The following LTBP1 variants were observed in gnomAD, a reference collection of about 807,000 sequenced individuals.
The protein encoded by LTBP1 is latent transforming growth factor beta binding protein 1.
A neutral mutation model predicts 207.6 loss-of-function variants in LTBP1; 129 were observed. That is an observed-to-expected ratio of 0.62 (90% CI 0.54 to 0.72). The LOEUF is 0.72. Among genes scored for constraint, LTBP1 ranks in the 30% least tolerant of loss-of-function variants. The pLI, the probability that LTBP1 is intolerant of heterozygous loss-of-function variation, is 0.00. For synonymous variants in LTBP1, 963 were observed against 833.7 expected (o/e 1.16, Z -2.67); for missense variants, 2,281 against 2,217.2 (o/e 1.03, Z -0.58).
chr2:33,307,013 G>A (rs941952626), intron 22 of LTBP1, among the ~76,000 whole-genome samples: 10 of 152,224 alleles, frequency 6.6e-5, no homozygotes, highest in East Asian at 3.9e-4. Flanking sequence ...GCTTGAACCC[G>A]GGAGGCGGAG....
At chr2:33,132,193 C>A (rs1305701903) in intron 4 of LTBP1, among the ~76,000 whole-genome samples, 1 of 152,172 alleles carries the variant, frequency 6.6e-6, no homozygotes, top group Non-Finnish European at 1.5e-5. Context: ...CTTGAACACA[C>A]AAAGTATCCT....
chr2:33,275,152 C>T, intron 17 of LTBP1, 62 bp downstream of exon 17: 1 of 1,595,084 alleles, frequency 6.3e-7, no homozygotes, highest in African/African-American at 1.3e-5. Context: ...TCCCCTAAGA[C>T]TATCATCAGT....
At chr2:33,236,284 C>A (rs1373584868) in intron 9 of LTBP1, among the ~76,000 whole-genome samples, 3 of 152,092 alleles carry the variant, frequency 2.0e-5, no homozygotes, top group Non-Finnish European at 4.4e-5. Context: ...TAGTTTGATG[C>A]CAGATCATGT....
At chr2:33,276,000 C>G (rs1558930321) in intron 18 of LTBP1, 77 bp downstream of exon 18, 1 of 1,488,974 alleles carries the variant, frequency 6.7e-7, no homozygotes, top group Non-Finnish European at 8.9e-7. Context: ...GTTCTTGTTT[C>G]CTTCCCACAC....
intron 2 of LTBP1, among the ~76,000 whole-genome samples, chr2:32,969,660 C>T (rs1680566778): frequency 6.6e-6 from 1 of 152,066 alleles, no homozygotes; most frequent in Non-Finnish European, 1.5e-5. Context: ...ACATTTTTTC[C>T]TATCTAATCT....
At chr2:33,138,848 C>CTTTTTTT (rs71409603) in intron 5 of LTBP1, among the ~76,000 whole-genome samples, 13 of 77,670 alleles carry the variant, frequency 1.7e-4, no homozygotes, top group Non-Finnish European at 2.1e-4. Flanking sequence ...AGTATGTTCT[C>CTTTTTTT]TTTTTTTTTT....
chr2:33,015,333 G>T (rs1162500901), intron 2 of LTBP1, among the ~76,000 whole-genome samples: 1 of 152,214 alleles, frequency 6.6e-6, no homozygotes, highest in East Asian at 1.9e-4. Flanking sequence ...AATCAAGTCT[G>T]CAAGTGTAGA....
At chr2:33,348,014 G>A (rs923026780) in intron 26 of LTBP1, among the ~76,000 whole-genome samples, 4 of 152,134 alleles carry the variant, frequency 2.6e-5, no homozygotes, top group African/African-American at 7.2e-5. Flanking sequence ...GTTTGCATTC[G>A]CTTAAAATTT....
At chr2:33,313,463 G>A (rs1303278572) in intron 23 of LTBP1, among the ~76,000 whole-genome samples, 4 of 152,114 alleles carry the variant, frequency 2.6e-5, no homozygotes, top group African/African-American at 9.7e-5. Context: ...TGGGTCAGTG[G>A]CTAAGCGTGT....
intron 3 of LTBP1, among the ~76,000 whole-genome samples, chr2:33,073,663 G>T (rs1034815314): frequency 2.7e-5 from 4 of 150,842 alleles, no homozygotes; most frequent in African/African-American, 9.8e-5. Context: ...ATCTTGCTCT[G>T]TTGCCTATCC....
intron 2 of LTBP1, among the ~76,000 whole-genome samples, chr2:33,007,610 T>G (rs879904744): frequency 6.6e-6 from 1 of 152,232 alleles, no homozygotes; most frequent in African/African-American, 2.4e-5. Flanking sequence ...GGTAGCATAT[T>G]GTGCTTGACT....
At chr2:33,263,273 A>G in intron 14 of LTBP1, 21 bp from the exon 15 acceptor site, 1 of 1,492,718 alleles carries the variant, frequency 6.7e-7, no homozygotes, top group South Asian at 1.1e-5. Context: ...TTTTCTTTTT[A>G]TCCTCTGCTT....
chr2:33,095,661 A>C (rs1291931969), intron 3 of LTBP1, among the ~76,000 whole-genome samples: 1 of 152,186 alleles, frequency 6.6e-6, no homozygotes, highest in Non-Finnish European at 1.5e-5. Context: ...AGTGCACAAG[A>C]CTTAAAAAGC....
intron 5 of LTBP1, among the ~76,000 whole-genome samples, chr2:33,168,891 C>T (rs1275903363): frequency 1.3e-5 from 2 of 152,140 alleles, no homozygotes; most frequent in Non-Finnish European, 2.9e-5. Flanking sequence ...TATATGCTGT[C>T]AGTGACAGTT....
chr2:33,055,405 A>T (rs2076947796), intron 3 of LTBP1, among the ~76,000 whole-genome samples: 1 of 152,006 alleles, frequency 6.6e-6, no homozygotes, highest in Non-Finnish European at 1.5e-5. Context: ...TTTTTTTCTA[A>T]TTCTCCTTAG....
At chr2:33,379,113 T>C (rs755882335) in intron 31 of LTBP1, among the ~76,000 whole-genome samples, 12 of 152,160 alleles carry the variant, frequency 7.9e-5, no homozygotes, top group Non-Finnish European at 1.3e-4. Context: ...GCTGAGCTGT[T>C]TTGAGCAGTT....
chr2:32,960,188 C>T (rs549496685), intron 2 of LTBP1, among the ~76,000 whole-genome samples: 4 of 152,046 alleles, frequency 2.6e-5, no homozygotes, highest in East Asian at 2.0e-4. Flanking sequence ...AACCTTCAGA[C>T]GGGAAGAGTA....
At position 33,110,666 on chromosome 2, in the gene LTBP1, C is replaced by T. The variant is rs1169061788; in HGVS notation, c.948C>T (p.Ala316=). 1.9e-6 allele frequency: 3 copies of T among 1,614,048 alleles called. No homozygotes were observed. Among genetic ancestry groups the T allele is most frequent in the African/African-American group, 2.7e-5 (2 of 74,922 alleles). ...TGCTCAAGCCCAAGTACTTTCCAGC[C>T]CAGAAGGGGATTTCAGGAGAGCAGT... ...EYVLKPKYFP[A]QKGISGEQST... The change falls in exon 4 of 34, where the codon GCC becomes GCT. Residue 316 remains alanine, a synonymous_variant. Transcript: ENST00000404816.
intron 5 of LTBP1, among the ~76,000 whole-genome samples, chr2:33,155,839 T>C (rs1198077679): frequency 1.3e-5 from 2 of 152,218 alleles, no homozygotes; most frequent in African/African-American, 4.8e-5. Context: ...TTCATACAAT[T>C]GATAGAGAAA....
Sources: allele counts gnomAD v4.1 joint callset (sites outside exome capture counted in the v4.1 genomes callset), GRCh38; gene constraint gnomAD v4.1.1; transcripts MANE v1.5; gene names NCBI Gene and HGNC (gene_info 2026-07-23, HGNC 2026-07-21).